The following ZNG1E variants were observed in gnomAD, a reference collection of about 807,000 sequenced individuals.
ZNG1E encodes the protein Zn regulated GTPase metalloprotein activator 1E.
the ZNG1E span, chr9:65,693,374 T>A: frequency 7.8e-7 from 1 of 1,282,558 alleles, no homozygotes; most frequent in East Asian, 5.6e-5. Context: ...ATGACGTTTC[T>A]CAACTTCCCA....
the ZNG1E span, among the ~76,000 whole-genome samples, chr9:65,666,300 A>C: frequency 6.7e-6 from 1 of 150,206 alleles, no homozygotes; most frequent in African/African-American, 2.4e-5. Context: ...GATAGTGAAT[A>C]AGTCTCATGA....
the ZNG1E span, among the ~76,000 whole-genome samples, chr9:65,687,487 G>T: frequency 6.6e-6 from 1 of 152,256 alleles, no homozygotes; most frequent in African/African-American, 2.4e-5. Flanking sequence ...AAATTTATCA[G>T]TCACACTTTT....
chr9:65,709,455 A>C, the ZNG1E span, among the ~76,000 whole-genome samples: 1 of 133,446 alleles, frequency 7.5e-6, no homozygotes, highest in African/African-American at 3.0e-5. Flanking sequence ...GCACCCACTA[A>C]CTCGTCATCT....
At chr9:65,726,413 T>TA in the ZNG1E span, among the ~76,000 whole-genome samples, 2 of 69,114 alleles carry the variant, frequency 2.9e-5, no homozygotes, top group African/African-American at 1.0e-4. Context: ...ATCCCTGACT[T>TA]ACTTGAAAAA....
chr9:65,678,710 G>T, the ZNG1E span, among the ~76,000 whole-genome samples: 1 of 102,002 alleles, frequency 9.8e-6, no homozygotes, highest in Non-Finnish European at 2.0e-5. Context: ...GGATAAAGTT[G>T]GTATAGCTTT....
chr9:65,678,152 A>G, the ZNG1E span, among the ~76,000 whole-genome samples: 37 of 150,838 alleles, frequency 2.5e-4, no homozygotes, highest in Non-Finnish European at 4.4e-4. Flanking sequence ...TTCTCTTAGA[A>G]GATTTCTTAC....
chr9:65,684,803 A>T, the ZNG1E span, among the ~76,000 whole-genome samples: 1 of 152,218 alleles, frequency 6.6e-6, no homozygotes, highest in Non-Finnish European at 1.5e-5. Flanking sequence ...TACTGCAGGG[A>T]TATTGTGGGC....
At chr9:65,672,482 A>T in the ZNG1E span, among the ~76,000 whole-genome samples, 1 of 150,802 alleles carries the variant, frequency 6.6e-6, no homozygotes, top group Non-Finnish European at 1.5e-5. Flanking sequence ...ACAGTGGCTC[A>T]CGCCTGTAAT....
the ZNG1E span, among the ~76,000 whole-genome samples, chr9:65,717,592 G>A: frequency 1.3e-5 from 2 of 149,606 alleles, no homozygotes; most frequent in African/African-American, 2.5e-5. Context: ...ATTTGATGCT[G>A]TGGGCAGTTT....
At chr9:65,719,287 A>G in the ZNG1E span, 1 of 141,096 alleles carries the variant, frequency 7.1e-6, no homozygotes, top group African/African-American at 2.9e-5. Flanking sequence ...CATTCCCTCC[A>G]ATAGTTCCTA....
At chr9:65,724,391 C>G in the ZNG1E span, among the ~76,000 whole-genome samples, 16,547 of 96,918 alleles carry the variant, frequency 0.17, 46 homozygotes, top group African/African-American at 0.29. Flanking sequence ...GCTTGTAATC[C>G]TAGCGCTTTG....
the ZNG1E span, among the ~76,000 whole-genome samples, chr9:65,727,410 C>T: frequency 7.1e-6 from 1 of 141,342 alleles, no homozygotes; most frequent in East Asian, 2.0e-4. Flanking sequence ...TCAATACTAA[C>T]ATTGAATATA....
the ZNG1E span, among the ~76,000 whole-genome samples, chr9:65,679,730 T>C: frequency 2.3e-4 from 35 of 152,344 alleles, no homozygotes; most frequent in African/African-American, 7.7e-4. Flanking sequence ...AATTTTTGTA[T>C]TTTTAGTAGA....
At chr9:65,684,533 TAC>T in the ZNG1E span, among the ~76,000 whole-genome samples, 1 of 90,176 alleles carries the variant, frequency 1.1e-5, no homozygotes, top group East Asian at 2.9e-4. Context: ...CAAGACTGTA[TAC>T]ACACACACAC....
the ZNG1E span, among the ~76,000 whole-genome samples, chr9:65,662,976 G>T: frequency 1.3e-5 from 2 of 152,222 alleles, no homozygotes; most frequent in Non-Finnish European, 2.9e-5. Context: ...TCTGATTCTG[G>T]TTATTACTCT....
At chr9:65,693,640 C>T in the ZNG1E span, among the ~76,000 whole-genome samples, 2 of 149,982 alleles carry the variant, frequency 1.3e-5, no homozygotes, top group East Asian at 2.0e-4. Flanking sequence ...TCACTGCAAC[C>T]TCCACCTCCC....
At chr9:65,657,662 G>A in the ZNG1E span, among the ~76,000 whole-genome samples, 2 of 152,228 alleles carry the variant, frequency 1.3e-5, no homozygotes, top group Admixed American at 1.3e-4. Context: ...GCACAACAGG[G>A]TGACTACAGT....
the ZNG1E span, among the ~76,000 whole-genome samples, chr9:65,669,655 C>A: frequency 6.6e-6 from 1 of 150,654 alleles, no homozygotes; most frequent in Non-Finnish European, 1.5e-5. Context: ...GGCAAGCTGA[C>A]TTACAAGTGA....
At chr9:65,663,302 C>A in the ZNG1E span, among the ~76,000 whole-genome samples, 2 of 151,954 alleles carry the variant, frequency 1.3e-5, no homozygotes, top group East Asian at 3.9e-4. Flanking sequence ...GGAAATTGTA[C>A]CTGTTTATTT....
Sources: gnomAD v4.1 joint callset for allele counts (sites outside exome capture counted in the v4.1 genomes callset) on GRCh38, gnomAD v4.1.1 for gene constraint, MANE v1.5 for transcripts, NCBI Gene and HGNC (gene_info 2026-07-23, HGNC 2026-07-21) for gene names.